The following SPIN1 variants were observed in gnomAD, a reference collection of about 807,000 sequenced individuals.
The protein encoded by SPIN1 is spindlin 1.
SPIN1 carries 3 observed loss-of-function variants against 26.0 expected under a neutral mutation model. The observed-to-expected ratio is 0.12, with a 90% CI of 0.05 to 0.30. SPIN1 has a LOEUF of 0.30. Ranked by LOEUF, SPIN1 falls within the 10% of genes least tolerant of loss-of-function variation. The pLI is 1.00. For missense variants in SPIN1, 126 were observed against 333.4 expected, an observed-to-expected ratio of 0.38 and a Z score of 4.84; for synonymous variants, 101 against 116.5, an observed-to-expected ratio of 0.87 and a Z score of 0.86.
At position 88,421,945 on chromosome 9, in the gene SPIN1, T is replaced by C. The variant is rs145462669; in HGVS notation, c.-158-4437T>C. Reference sequence around the variant, plus strand: ...TTTGACGAGTATTTTATAAGTGATATAGTCTGCTTTGCGTCATATCACATT... The same window carrying C: ...TTTGACGAGTATTTTATAAGTGATACAGTCTGCTTTGCGTCATATCACATT... On this transcript the variant is annotated intron_variant, in intron 1 of 5. Transcript: ENST00000375859. Among the ~76,000 whole-genome samples, 281 of 152,250 alleles carry C rather than the reference T, an allele frequency of 1.8e-3. 1 individual carries two copies. The highest frequency in any genetic ancestry group is 6.5e-3 in the African/African-American group (272 of 41,556).
intron 1 of SPIN1, among the ~76,000 whole-genome samples, chr9:88,412,595 A>G (rs1347669150): frequency 6.6e-6 from 1 of 152,182 alleles, no homozygotes; most frequent in African/African-American, 2.4e-5. Flanking sequence ...AGTGAATGAA[A>G]TACATAGGAT....
At chr9:88,449,113 G>C in intron 3 of SPIN1, 124 bp downstream of exon 3, 2 of 835,242 alleles carry the variant, frequency 2.4e-6, no homozygotes, top group Non-Finnish European at 4.0e-6. Flanking sequence ...AGGAGATGTA[G>C]TGTGCGATGA....
intron 1 of SPIN1, chr9:88,410,808 T>C: frequency 3.1e-6 from 3 of 959,708 alleles, no homozygotes; most frequent in Non-Finnish European, 5.0e-6. Context: ...CACTGAAGTT[T>C]CCTCCACTAC....
At chr9:88,421,371 T>C (rs541279596) in intron 1 of SPIN1, among the ~76,000 whole-genome samples, 14 of 152,190 alleles carry the variant, frequency 9.2e-5, no homozygotes, top group Admixed American at 9.2e-4. Flanking sequence ...GGCTCGATCA[T>C]GGCTCACTGC....
intron 1 of SPIN1, among the ~76,000 whole-genome samples, chr9:88,423,117 G>A (rs1827703268): frequency 6.6e-6 from 1 of 152,106 alleles, no homozygotes. Context: ...TAAATTTTTA[G>A]TTTATTAACA....
At chr9:88,442,202 G>C (rs566978531) in intron 2 of SPIN1, among the ~76,000 whole-genome samples, 2 of 151,790 alleles carry the variant, frequency 1.3e-5, no homozygotes, top group Admixed American at 1.3e-4. Flanking sequence ...CTTTTTGTTT[G>C]TGTGAGAAAG....
chr9:88,389,083 C>T (rs1374098795), intron 1 of SPIN1, among the ~76,000 whole-genome samples: 8 of 152,178 alleles, frequency 5.3e-5, no homozygotes, highest in South Asian at 2.1e-4. Flanking sequence ...TGGGGCCACC[C>T]CTCCCAGGCC....
chr9:88,463,033 G>C (rs1303984955), intron 4 of SPIN1, among the ~76,000 whole-genome samples: 2 of 152,116 alleles, frequency 1.3e-5, no homozygotes, highest in Non-Finnish European at 2.9e-5. Context: ...TCTGGACTCT[G>C]ATGGGTAAGG....
intron 2 of SPIN1, among the ~76,000 whole-genome samples, chr9:88,431,792 A>G (rs1388408571): frequency 6.6e-6 from 1 of 152,172 alleles, no homozygotes; most frequent in Admixed American, 6.5e-5. Flanking sequence ...CTCATAAACT[A>G]TAATCCCAGC....
chr9:88,405,507 G>A (rs918755843), intron 1 of SPIN1, among the ~76,000 whole-genome samples: 8 of 146,306 alleles, frequency 5.5e-5, no homozygotes, highest in African/African-American at 7.7e-5. Context: ...GATTACAGTC[G>A]TGAGCCACAG....
At chr9:88,455,562 A>G (rs1352522875) in intron 3 of SPIN1, among the ~76,000 whole-genome samples, 1 of 152,234 alleles carries the variant, frequency 6.6e-6, no homozygotes, top group Non-Finnish European at 1.5e-5. Context: ...TTATAATGCC[A>G]TCACCCAGAG....
At chr9:88,441,088 A>G (rs1278871829) in intron 2 of SPIN1, among the ~76,000 whole-genome samples, 1 of 151,930 alleles carries the variant, frequency 6.6e-6, no homozygotes, top group Non-Finnish European at 1.5e-5. Context: ...GAAAATATCC[A>G]GAAAAACATC....
intron 2 of SPIN1, among the ~76,000 whole-genome samples, chr9:88,442,946 CCT>C (rs1164900849): frequency 3.3e-5 from 5 of 151,666 alleles, no homozygotes; most frequent in Non-Finnish European, 5.9e-5. Flanking sequence ...ATGGTGAAAC[CCT>C]GTCTCTACTA....
At chr9:88,413,434 A>T (rs181337936) in intron 1 of SPIN1, among the ~76,000 whole-genome samples, 1 of 151,080 alleles carries the variant, frequency 6.6e-6, no homozygotes. Context: ...CCCAGGCTGG[A>T]GTGCAGTGGT....
chr9:88,449,914 C>T (rs866160956), intron 3 of SPIN1, among the ~76,000 whole-genome samples: 1 of 152,280 alleles, frequency 6.6e-6, no homozygotes, highest in Middle Eastern at 3.4e-3. Context: ...GGATGTGAGG[C>T]CTCTTGGCTC....
At chr9:88,465,987 CTT>C (rs139662798) in intron 4 of SPIN1, among the ~76,000 whole-genome samples, 157 of 152,212 alleles carry the variant, frequency 1.0e-3, no homozygotes, top group African/African-American at 3.7e-3. Flanking sequence ...TTAAGCCACT[CTT>C]AATGTATTTT....
intron 2 of SPIN1, among the ~76,000 whole-genome samples, chr9:88,435,340 A>G (rs936549860): frequency 1.3e-5 from 2 of 151,714 alleles, no homozygotes; most frequent in Non-Finnish European, 2.9e-5. Context: ...CTCAGCCTCT[A>G]AGTCGCTGGG....
intron 3 of SPIN1, among the ~76,000 whole-genome samples, chr9:88,459,720 T>G (rs1828540257): frequency 6.6e-6 from 1 of 152,236 alleles, no homozygotes; most frequent in South Asian, 2.1e-4. Context: ...CTCTCAGTGC[T>G]GTACTGAACC....
intron 2 of SPIN1, among the ~76,000 whole-genome samples, chr9:88,448,372 G>C (rs780223699): frequency 4.0e-5 from 6 of 151,890 alleles, no homozygotes; most frequent in Non-Finnish European, 7.4e-5. Context: ...TGTTTTTTGA[G>C]ACAAGGTCTT....
Sources: gnomAD v4.1 joint callset for allele counts (sites outside exome capture counted in the v4.1 genomes callset) on GRCh38, gnomAD v4.1.1 for gene constraint, MANE v1.5 for transcripts, NCBI Gene and HGNC (gene_info 2026-07-23, HGNC 2026-07-21) for gene names.